HMGXB3: variants seen among roughly 807,000 people sequenced by gnomAD.
HMGXB3 encodes HMG domain-containing protein 3.
Under a neutral mutation model 121.5 loss-of-function variants are expected in HMGXB3, and 45 were observed. That is an observed-to-expected ratio of 0.37 (90% CI 0.29 to 0.47). HMGXB3 has a LOEUF of 0.47. Ranked by LOEUF, HMGXB3 falls within the 20% of genes least tolerant of loss-of-function variation. HMGXB3 has a pLI of 0.99. For missense variants in HMGXB3, 1,376 were observed against 1,602.2 expected (o/e 0.86, Z 2.41); for synonymous variants, 590 against 624.1 (o/e 0.95, Z 0.81).
intron 12 of HMGXB3, among the ~76,000 whole-genome samples, 194 bp downstream of exon 12, chr5:150,037,131 A>G (rs1389830156): frequency 6.6e-6 from 1 of 152,244 alleles, no homozygotes; most frequent in Non-Finnish European, 1.5e-5. Flanking sequence ...CCTGAAAGTT[A>G]TCACCAGATT....
intron 12 of HMGXB3, 33 bp from the exon 13 acceptor site, chr5:150,037,367 C>CT (rs770330936): frequency 6.5e-4 from 948 of 1,452,684 alleles, no homozygotes; most frequent in Admixed American, 1.8e-3. Context: ...TCTTTCCCTT[C>CT]TTTTTTTTTG....
intron 3 of HMGXB3, among the ~76,000 whole-genome samples, chr5:150,008,391 G>A (rs1029590844): frequency 5.3e-5 from 8 of 152,160 alleles, no homozygotes; most frequent in Admixed American, 4.6e-4. Context: ...TTTAAAATAG[G>A]TAATGTAAAT....
At chr5:150,015,345 GT>G (rs1254263584) in intron 5 of HMGXB3, among the ~76,000 whole-genome samples, 5 of 152,124 alleles carry the variant, frequency 3.3e-5, no homozygotes, top group Non-Finnish European at 5.9e-5. Context: ...TTAGAGTGCA[GT>G]GGCACAATCA....
rs532411520 is a variant in HMGXB3, at chr5:150,010,345, C to T, written c.547C>T (p.Leu183=). 38 of 1,551,740 alleles carry T rather than the reference C, an allele frequency of 2.4e-5. No individual in the cohort carries two copies. Among genetic ancestry groups the T allele is most frequent in the Admixed American group, 7.8e-5 (4 of 51,004 alleles). The change falls in exon 4 of 20, where the codon CTG becomes TTG. Residue 183 remains leucine, a synonymous_variant. Transcript: ENST00000502717. ...PSHAGMAEQC[L]AVEALAEEVG... ...CCATGCAGGCATGGCAGAGCAGTGC[C>T]TGGCTGTGGAGGCCCTGGCTGAGGA...
At chr5:150,037,599 T>C (rs988602647) in intron 13 of HMGXB3, 72 bp downstream of exon 13, 1 of 1,315,856 alleles carries the variant, frequency 7.6e-7, no homozygotes, top group Non-Finnish European at 9.9e-7. Context: ...GGATGAGACC[T>C]CTGGCCCTTT....
chr5:150,005,136 A>C, intron 2 of HMGXB3, 147 bp downstream of exon 2: 1 of 1,141,528 alleles, frequency 8.8e-7, no homozygotes, highest in Non-Finnish European at 1.2e-6. Flanking sequence ...AAGTGGAGGG[A>C]TTTCTGCCAG....
Position 150,003,382 on chromosome 5 carries a change from A to C in HMGXB3, c.-2-1469A>C, listed in dbSNP as rs914633025. ...AGTTGGATTTTTGAGTTAAAAATCT[A>C]TCTCTCAAGTCCCTGCTTGGGCTTG... On this transcript the variant is annotated intron_variant, in intron 1 of 19. Transcript: ENST00000502717. 5.3e-5 allele frequency among the ~76,000 whole-genome samples: 8 copies of C among 152,196 alleles called. No individual in the cohort carries two copies. In the East Asian group the frequency reaches 1.4e-3, roughly 26 times the overall value.
At position 150,024,252 on chromosome 5, in the gene HMGXB3, A is replaced by G; in HGVS notation, c.1042-10A>G. On this transcript the variant is annotated splice_polypyrimidine_tract_variant and intron_variant, in intron 6 of 19. Coordinates refer to ENST00000502717, the MANE Select transcript of HMGXB3 (RefSeq NM_014983.3). ...TCCCTTATGTATACAAGGTATTCTT[A>G]TTTTTCTAGGAAAAGCCAGCCAAAG... The G allele has an allele frequency of 6.6e-7, 1 of 1,512,836 alleles. No homozygotes were observed. The highest frequency in any genetic ancestry group is 8.8e-7 in the Non-Finnish European group (1 of 1,132,604). 93.7% of individuals were successfully genotyped at this position (1,512,836 alleles called of 1,614,324 possible).
chr5:150,041,253 G>A (rs772550298), intron 14 of HMGXB3, among the ~76,000 whole-genome samples: 4 of 152,168 alleles, frequency 2.6e-5, no homozygotes, highest in Non-Finnish European at 5.9e-5. Flanking sequence ...CATCCTTTCT[G>A]TCTAGAATAT....
chr5:150,029,062 G>A (rs1352745942), intron 9 of HMGXB3, among the ~76,000 whole-genome samples: 1 of 152,150 alleles, frequency 6.6e-6, no homozygotes, highest in Non-Finnish European at 1.5e-5. Flanking sequence ...AGGTAAAGGA[G>A]AAAGAAAAGT....
At chr5:150,030,693 A>G (rs1371456575) in intron 9 of HMGXB3, 48 bp from the exon 10 acceptor site, 1 of 1,366,638 alleles carries the variant, frequency 7.3e-7, no homozygotes, top group Non-Finnish European at 1.0e-6. Context: ...GGAGCTCAGG[A>G]GTTTGGCTAA....
chr5:150,005,851 C>G (rs1351742893), intron 2 of HMGXB3, among the ~76,000 whole-genome samples: 11 of 152,148 alleles, frequency 7.2e-5, no homozygotes, highest in Admixed American at 7.2e-4. Flanking sequence ...GAGTGATAAC[C>G]AGCCCCTTGA....
chr5:150,037,293 C>G, intron 12 of HMGXB3, 107 bp from the exon 13 acceptor site: 1 of 1,139,184 alleles, frequency 8.8e-7, no homozygotes, highest in Non-Finnish European at 1.2e-6. Flanking sequence ...CCTAGAAAAT[C>G]CTAAGCTCCA....
chr5:150,036,673 C>T lies in HMGXB3; in HGVS notation c.2021C>T (p.Thr674Ile). Reference protein sequence around the residue: ...SSPLPDVLNATEPLSTAQREI... With the variant: ...SSPLPDVLNAIEPLSTAQREI... ...CCACTCCCAGATGTACTGAATGCCACAGAGCCCCTGAGCACAGCCCAGAGG... is the reference window on the plus strand; with the variant it reads ...CCACTCCCAGATGTACTGAATGCCATAGAGCCCCTGAGCACAGCCCAGAGG... The change falls in exon 12 of 20, where the codon ACA (threonine) becomes ATA (isoleucine). Residue 674 changes from threonine to isoleucine, a missense_variant. By Grantham distance (89) the Thr-to-Ile change is moderately conservative (BLOSUM62 -1). Around this residue, in one of 2 missense-constraint regions of HMGXB3, gnomAD observed 1,116 missense variants for 1,369.0 expected, o/e 0.82. Transcript: ENST00000502717. 1 of 1,550,352 alleles carries T rather than the reference C, an allele frequency of 6.5e-7. No individual in the cohort carries two copies. Among genetic ancestry groups the T allele is most frequent in the South Asian group, 1.2e-5 (1 of 83,972 alleles).
intron 1 of HMGXB3, among the ~76,000 whole-genome samples, chr5:150,002,909 A>AAGGCAGG (rs1459051778): frequency 2.0e-5 from 3 of 152,126 alleles, no homozygotes; most frequent in Non-Finnish European, 4.4e-5. Flanking sequence ...TTGGGAGGCC[A>AAGGCAGG]AGGCAGGAGG....
At position 150,024,615 on chromosome 5, in the gene HMGXB3, C is replaced by A; in HGVS notation, c.1395C>A (p.Asp465Glu). The A allele has an allele frequency of 6.4e-7, 1 of 1,551,726 alleles. No homozygotes were observed. The highest frequency in any genetic ancestry group is 8.7e-7 in the Non-Finnish European group (1 of 1,146,956). The change falls in exon 7 of 20, where the codon GAC becomes GAA. Residue 465 changes from aspartate to glutamate, a missense_variant. Physicochemically the swap from Asp to Glu is conservative, Grantham distance 45 (BLOSUM62 2). This residue lies in a region of HMGXB3 where 1,116 missense variants were observed against 1,369.0 expected (regional missense o/e 0.82). Coordinates refer to ENST00000502717, the MANE Select transcript of HMGXB3 (RefSeq NM_014983.3). ...GTTDNDSPGA[D>E]VPTPSEGTST... is the part of the protein sequence containing the mutation. Reference sequence around the variant, plus strand: ...CTGACAATGACAGTCCTGGAGCAGACGTACCAACACCATCCGAGGGGACAA... The same window carrying A: ...CTGACAATGACAGTCCTGGAGCAGAAGTACCAACACCATCCGAGGGGACAA...
At position 150,015,023 on chromosome 5, in the gene HMGXB3, C is replaced by T. The variant is rs186738527; in HGVS notation, c.909+2670C>T. The T allele has an allele frequency of 1.8e-3, 1,004 of 560,696 alleles. 28 individuals are homozygous for T. The South Asian group carries it at 0.029, about 16-fold the overall frequency. The allele number at this position is 560,696 out of a possible 1,614,324, so 34.7% of individuals were successfully genotyped here. A position where few individuals can be genotyped will look rare whatever the true frequency, so the allele number is the denominator to read the frequency against. On this transcript the variant is annotated intron_variant, in intron 5 of 19. Transcript: ENST00000502717. ...GCGAATACCAAACCACCAATGATTG[C>T]CCCTTTTTGGCCTAAATGTTGTGGT...
intron 18 of HMGXB3, 63 bp from the exon 19 acceptor site, chr5:150,050,189 C>G (rs1376120228): frequency 1.5e-6 from 2 of 1,375,984 alleles, no homozygotes; most frequent in African/African-American, 1.4e-5. Context: ...CGAGTGAGAA[C>G]TGTACACTCT....
At chr5:150,051,562 A>T (rs957057065) in intron 19 of HMGXB3, among the ~76,000 whole-genome samples, 163 bp from the exon 20 acceptor site, 25 of 152,196 alleles carry the variant, frequency 1.6e-4, no homozygotes, top group Non-Finnish European at 2.8e-4. Context: ...TTCTCACATG[A>T]GGAAATGGAG....
Sources: allele counts gnomAD v4.1 joint callset (sites outside exome capture counted in the v4.1 genomes callset), GRCh38; gene constraint gnomAD v4.1.1; regional missense constraint gnomAD v4.1.1; transcripts MANE v1.5; gene names NCBI Gene and HGNC (gene_info 2026-07-23, HGNC 2026-07-21).